The following TOP2B variants were observed in gnomAD, a reference collection of about 807,000 sequenced individuals.
TOP2B encodes DNA topoisomerase 2-beta.
In TOP2B, 51 loss-of-function variants were observed where a neutral mutation model predicts 193.5. That is an observed-to-expected ratio of 0.26 (90% CI 0.21 to 0.33). The LOEUF (loss-of-function observed/expected upper bound fraction) is 0.33, where lower values mean the gene tolerates loss of function less well. Among genes scored for constraint, TOP2B ranks in the 10% least tolerant of loss-of-function variants. TOP2B has a pLI of 1.00. For missense variants in TOP2B, 1,378 were observed against 1,909.3 expected (o/e 0.72, Z 5.19); for synonymous variants, 634 against 635.7 (o/e 1.00, Z 0.04).
intron 25 of TOP2B, among the ~76,000 whole-genome samples, chr3:25,616,884 T>TA (rs938701412): frequency 4.7e-4 from 70 of 147,466 alleles, no homozygotes; most frequent in South Asian, 2.1e-3. Context: ...TTCCAGAAAT[T>TA]AAAAAAAAAA....
rs1702483647 is a variant in TOP2B, at chr3:25,615,593, AAAAT to A, written c.3352-11_3352-8del. On this transcript the variant is annotated splice_region_variant and splice_polypyrimidine_tract_variant and intron_variant, in intron 25 of 35. Coordinates refer to ENST00000264331, the MANE Select transcript of TOP2B (RefSeq NM_001330700.2). ...TTTCATCCTCTTCTGCTGCCTGTAA[AAAAT>A]AACAAACTGTATATTAAAGTCTTGT... 2 of 1,518,632 alleles carry A rather than the reference AAAAT, an allele frequency of 1.3e-6. No individual in the cohort carries two copies. The highest frequency in any genetic ancestry group is 1.8e-6 in the Non-Finnish European group (2 of 1,136,664). 94.1% of individuals were successfully genotyped at this position (1,518,632 alleles called of 1,614,324 possible). A position where few individuals can be genotyped will look rare whatever the true frequency, so the allele number is the denominator to read the frequency against.
chr3:25,617,790 ACT>A (rs556464194), intron 25 of TOP2B, among the ~76,000 whole-genome samples: 68 of 152,216 alleles, frequency 4.5e-4, no homozygotes, highest in African/African-American at 1.6e-3. Flanking sequence ...AATTGAGGGG[ACT>A]CTCAAAGCTT....
chr3:25,630,938 G>A lies in TOP2B; in HGVS notation c.1268C>T (p.Ala423Val). The change falls in exon 11 of 36, where the codon GCC becomes GTC. Residue 423 changes from alanine to valine, a missense_variant and splice_region_variant. Around this residue, in one of 9 missense-constraint regions of TOP2B, gnomAD observed 222 missense variants for 306.6 expected, o/e 0.72. Coordinates refer to ENST00000264331, the MANE Select transcript of TOP2B (RefSeq NM_001330700.2). ...ACTTTCTACAATGCCACAATTAGAG[G>A]CCTAAAAATAAAAGAATAATGGTAT... is the stretch of plus-strand genomic sequence containing the variant. ...CQLSEKFFKAASNCGIVESIL... is the reference protein window; with the variant it reads ...CQLSEKFFKAVSNCGIVESIL... 6.3e-7 allele frequency: 1 copy of A among 1,580,916 alleles called. No homozygotes were observed. The highest frequency in any genetic ancestry group is 1.7e-4 in the Middle Eastern group (1 of 5,904).
At chr3:25,639,382 C>T (rs553850004) in intron 4 of TOP2B, among the ~76,000 whole-genome samples, 29 of 130,528 alleles carry the variant, frequency 2.2e-4, no homozygotes, top group African/African-American at 8.7e-4. Flanking sequence ...GATCTCAGCT[C>T]ACTCAACCTC....
At chr3:25,624,930 C>T in intron 18 of TOP2B, 127 bp from the exon 19 acceptor site, 1 of 880,040 alleles carries the variant, frequency 1.1e-6, no homozygotes, top group South Asian at 1.8e-5. Flanking sequence ...GATTCTGTAA[C>T]AAAGTGAGTA....
rs184906425 is a variant in TOP2B at position 25,644,485 on chromosome 3, G to A, written c.241-701C>T. Among the ~76,000 whole-genome samples, 28 of 152,226 alleles carry A rather than the reference G, an allele frequency of 1.8e-4. No individual in the cohort carries two copies. The East Asian group carries it at 5.5e-3, about 30-fold the overall frequency. On this transcript the variant is annotated intron_variant, in intron 2 of 35. Transcript: ENST00000264331. The stretch of plus-strand genomic sequence containing the variant: ...GGGGGCCAAGGTGGATGGATCACCT[G>A]AGGTCAGGAGTTCAAGACCAGCCTG...
chr3:25,629,996 G>T, intron 13 of TOP2B, 33 bp downstream of exon 13: 5 of 1,545,968 alleles, frequency 3.2e-6, no homozygotes, highest in South Asian at 1.3e-5. Flanking sequence ...AAGAAGACAT[G>T]AATTTGAAAT....
At chr3:25,646,909 A>G (rs1703430242) in intron 1 of TOP2B, among the ~76,000 whole-genome samples, 1 of 152,196 alleles carries the variant, frequency 6.6e-6, no homozygotes, top group South Asian at 2.1e-4. Context: ...TAAAGATTTA[A>G]TAATATTTCA....
At chr3:25,630,960 G>C in intron 10 of TOP2B, 21 bp from the exon 11 acceptor site, 2 of 1,556,534 alleles carry the variant, frequency 1.3e-6, no homozygotes, top group Middle Eastern at 1.7e-4. Context: ...AAGAATAATG[G>C]TATACAAACA....
chr3:25,640,944 G>C (rs1703244411), intron 4 of TOP2B, among the ~76,000 whole-genome samples: 1 of 151,574 alleles, frequency 6.6e-6, no homozygotes, highest in East Asian at 1.9e-4. Context: ...GTTTTTGTTT[G>C]TTTGTTTGTT....
intron 1 of TOP2B, among the ~76,000 whole-genome samples, chr3:25,652,683 C>T (rs991761829): frequency 6.6e-6 from 1 of 152,140 alleles, no homozygotes; most frequent in Admixed American, 6.5e-5. Flanking sequence ...AACAGTATTA[C>T]ACCTAACATT....
Position 25,627,266 on chromosome 3 carries a change from T to C in TOP2B, c.1937A>G (p.Lys646Arg). The change falls in exon 16 of 36, where the codon AAG becomes AGG. Residue 646 changes from lysine (K) to arginine (R), a missense_variant. Around this residue, in one of 9 missense-constraint regions of TOP2B, gnomAD observed 379 missense variants for 615.1 expected, o/e 0.62. Coordinates refer to ENST00000264331, the MANE Select transcript of TOP2B (RefSeq NM_001330700.2). Reference protein sequence around the residue: ...GLGTSTAKEAKEYFADMERHR... With the variant: ...GLGTSTAKEAREYFADMERHR... ...CCTTTCCATATCAGCAAAATATTCC[T>C]TTGCTTCTTTAGCTGTACTAGTACC... 6.2e-7 allele frequency: 1 copy of C among 1,609,538 alleles called. No homozygotes were observed. Among genetic ancestry groups the C allele is most frequent in the Non-Finnish European group, 8.5e-7 (1 of 1,178,284 alleles).
At chr3:25,606,183 ATAAAT>A (rs1203049447) in intron 31 of TOP2B, 61 bp from the exon 32 acceptor site, 2 of 750,960 alleles carry the variant, frequency 2.7e-6, no homozygotes, top group African/African-American at 3.6e-5. Flanking sequence ...TTCAATCCTG[ATAAAT>A]TATATATAAT....
chr3:25,625,497 C>T (rs1312095427), intron 18 of TOP2B, among the ~76,000 whole-genome samples: 1 of 152,042 alleles, frequency 6.6e-6, no homozygotes, highest in African/African-American at 2.4e-5. Context: ...TGGCCCAACA[C>T]AAATTTGTCA....
At chr3:25,628,993 C>T (rs1702882968) in intron 14 of TOP2B, 41 bp from the exon 15 acceptor site, 1 of 1,576,884 alleles carries the variant, frequency 6.3e-7, no homozygotes, top group Non-Finnish European at 8.6e-7. Flanking sequence ...TTCTGCTACC[C>T]TTTAAGACAA....
At chr3:25,612,923 CATTTGTA>C (rs1431409857) in intron 27 of TOP2B, among the ~76,000 whole-genome samples, 1 of 152,132 alleles carries the variant, frequency 6.6e-6, no homozygotes, top group Non-Finnish European at 1.5e-5. Flanking sequence ...ACTAGTTTCC[CATTTGTA>C]ATACGAGGGG....
Position 25,604,766 on chromosome 3 carries a change from T to C in TOP2B, c.4483A>G (p.Lys1495Glu). The C allele has an allele frequency of 6.2e-7, 1 of 1,610,470 alleles. No homozygotes were observed. The highest frequency in any genetic ancestry group is 8.5e-7 in the Non-Finnish European group (1 of 1,177,212). ...DKVPSKTVAA[K>E]KGKPSSDTVP... ...ATCAAATATAAGTACATACCCTTTT[T>C]AGCAGCTACCGTTTTACTTGGAACT... The change falls in exon 33 of 36, where the codon AAA becomes GAA. Residue 1495 changes from lysine to glutamate, a missense_variant. By Grantham distance (56) the Lys-to-Glu change is moderately conservative. Around this residue, in one of 9 missense-constraint regions of TOP2B, gnomAD observed 556 missense variants for 584.2 expected, o/e 0.95. Transcript: ENST00000264331.
chr3:25,655,016 G>T (rs543526887), intron 1 of TOP2B, among the ~76,000 whole-genome samples: 3 of 152,226 alleles, frequency 2.0e-5, no homozygotes, highest in Admixed American at 2.0e-4. Flanking sequence ...CATGGATATG[G>T]CACCAAAATC....
At chr3:25,655,102 CAG>C (rs1217315152) in intron 1 of TOP2B, among the ~76,000 whole-genome samples, 3 of 152,104 alleles carry the variant, frequency 2.0e-5, no homozygotes, top group African/African-American at 7.2e-5. Flanking sequence ...AAACAACTGA[CAG>C]AGTGAAAAGG....
Sources: gnomAD v4.1 joint callset for allele counts (sites outside exome capture counted in the v4.1 genomes callset) on GRCh38, gnomAD v4.1.1 for gene constraint, gnomAD v4.1.1 regional missense constraint, MANE v1.5 for transcripts, NCBI Gene and HGNC (gene_info 2026-07-23, HGNC 2026-07-21) for gene names.